The following RIN2 variants were observed in gnomAD, a reference collection of about 807,000 sequenced individuals.
The protein encoded by RIN2 is RAB5 interacting protein 2.
A neutral mutation model predicts 78.0 loss-of-function variants in RIN2; 36 were observed. That is an observed-to-expected ratio of 0.46 (90% CI 0.35 to 0.61). The LOEUF (loss-of-function observed/expected upper bound fraction) is 0.61, where lower values mean the gene tolerates loss of function less well. Ranked by LOEUF, RIN2 falls within the 20% of genes least tolerant of loss-of-function variation. The pLI, the probability that RIN2 is intolerant of heterozygous loss-of-function variation, is 0.00. For missense variants in RIN2, 1,087 were observed against 1,159.7 expected, an observed-to-expected ratio of 0.94 and a Z score of 0.91; for synonymous variants, 466 against 466.8, an observed-to-expected ratio of 1.00 and a Z score of 0.02.
At chr20:19,926,428 G>A (rs6136886) in intron 3 of RIN2, among the ~76,000 whole-genome samples, 48,891 of 151,658 alleles carry the variant, frequency 0.32, 8,567 homozygotes, top group Non-Finnish European at 0.4. Context: ...CCTCCATTAC[G>A]TTTTTGTTTT....
intron 2 of RIN2, among the ~76,000 whole-genome samples, chr20:19,879,737 CG>C (rs953765800): frequency 6.6e-6 from 1 of 152,034 alleles, no homozygotes; most frequent in African/African-American, 2.4e-5. Context: ...GACAAACACC[CG>C]GAGACTTCTC....
chr20:19,939,070 T>C (rs758940324), intron 4 of RIN2, among the ~76,000 whole-genome samples: 1 of 152,214 alleles, frequency 6.6e-6, no homozygotes, highest in Non-Finnish European at 1.5e-5. Flanking sequence ...TGAGACAGAA[T>C]CTCGCTCTGT....
chr20:19,953,753 G>T (rs1204996567), intron 4 of RIN2, among the ~76,000 whole-genome samples: 2 of 152,176 alleles, frequency 1.3e-5, no homozygotes, highest in Admixed American at 6.5e-5. Flanking sequence ...TTTATCAGCA[G>T]CCAGGGTTGA....
chr20:19,986,504 C>A (rs764970550), intron 9 of RIN2, among the ~76,000 whole-genome samples: 4 of 152,172 alleles, frequency 2.6e-5, no homozygotes, highest in Admixed American at 2.0e-4. Context: ...TAGGTTTCAA[C>A]CCTCCTAAGA....
intron 9 of RIN2, among the ~76,000 whole-genome samples, chr20:19,976,838 G>GTC (rs57267974): frequency 0.061 from 9,166 of 151,152 alleles, 895 homozygotes; most frequent in African/African-American, 0.21. Context: ...CTCTTTCTCT[G>GTC]TCTCTCTCTC....
chr20:19,758,437 T>C (rs1416000644), intron 1 of RIN2, 110 bp downstream of exon 1: 1 of 152,168 alleles, frequency 6.6e-6, no homozygotes, highest in Non-Finnish European at 1.5e-5. Context: ...TGGGTGCTGC[T>C]GTGCGCACTC....
intron 3 of RIN2, among the ~76,000 whole-genome samples, chr20:19,912,612 G>A (rs942621557): frequency 5.3e-5 from 8 of 151,188 alleles, no homozygotes. Context: ...CCAAATAGCT[G>A]GGATTACAGG....
intron 3 of RIN2, among the ~76,000 whole-genome samples, chr20:19,930,634 C>G (rs7270436): frequency 0.23 from 35,416 of 152,058 alleles, 5,889 homozygotes; most frequent in East Asian, 0.56. Flanking sequence ...GTGGCCGGCC[C>G]TCCCTCACAA....
chr20:19,848,758 ATTTAT>A (rs146941864), intron 2 of RIN2, among the ~76,000 whole-genome samples: 1,778 of 152,240 alleles, frequency 0.012, 11 homozygotes, highest in Non-Finnish European at 0.014. Flanking sequence ...TATCCATTCG[ATTTAT>A]TTTATCATTT....
intron 1 of RIN2, among the ~76,000 whole-genome samples, chr20:19,771,292 A>C (rs1326273616): frequency 2.0e-5 from 3 of 152,230 alleles, no homozygotes; most frequent in African/African-American, 7.2e-5. Context: ...CCAGCTGTCA[A>C]TCAGCTCATT....
intron 6 of RIN2, 87 bp downstream of exon 6, chr20:19,960,898 G>A: frequency 3.9e-6 from 3 of 775,972 alleles, no homozygotes; most frequent in Admixed American, 2.6e-5. Context: ...CTGGTTATGA[G>A]ATGGGCAGAT....
chr20:19,890,070 A>G (rs973359934), intron 3 of RIN2, among the ~76,000 whole-genome samples: 1 of 152,114 alleles, frequency 6.6e-6, no homozygotes, highest in African/African-American at 2.4e-5. Context: ...ACAAACAAAC[A>G]AACAAACAAA....
At chr20:19,972,583 T>C (rs1260644815) in intron 8 of RIN2, among the ~76,000 whole-genome samples, 1 of 152,240 alleles carries the variant, frequency 6.6e-6, no homozygotes, top group African/African-American at 2.4e-5. Flanking sequence ...CAAACTAATA[T>C]TCCTCGAGGG....
chr20:19,938,132 G>C (rs1378545535), intron 4 of RIN2, among the ~76,000 whole-genome samples: 1 of 152,180 alleles, frequency 6.6e-6, no homozygotes. Flanking sequence ...TGCCCTGGCT[G>C]GTTCTTCTTT....
At chr20:19,939,830 T>C (rs1463319147) in intron 4 of RIN2, among the ~76,000 whole-genome samples, 2 of 149,208 alleles carry the variant, frequency 1.3e-5, no homozygotes. Flanking sequence ...ATATATTCAC[T>C]TGCTTCCTGT....
intron 1 of RIN2, among the ~76,000 whole-genome samples, chr20:19,758,936 C>A (rs2033507137): frequency 6.6e-6 from 1 of 152,220 alleles, no homozygotes; most frequent in Non-Finnish European, 1.5e-5. Flanking sequence ...GCAGGGGGCA[C>A]TTGGGCTGTC....
intron 12 of RIN2, 120 bp from the exon 13 acceptor site, chr20:20,000,493 G>T: frequency 1.3e-6 from 1 of 772,420 alleles, no homozygotes; most frequent in Non-Finnish European, 2.1e-6. Flanking sequence ...CCTGACATCG[G>T]ACATTATGAC....
At position 19,889,575 on chromosome 20, in the gene RIN2, G is replaced by T; in HGVS notation, c.-27G>T. On this transcript the variant is annotated 5_prime_UTR_variant, in exon 3 of 13. Transcript: ENST00000255006. Reference sequence around the variant, plus strand: ...ATGTCTCTACCTTCAGGAGTCCCCGGCGTGCAGTGGAGCCTCGCTGGGGGA... The same window carrying T: ...ATGTCTCTACCTTCAGGAGTCCCCGTCGTGCAGTGGAGCCTCGCTGGGGGA... 1 of 1,549,112 alleles carries T rather than the reference G, an allele frequency of 6.5e-7. No individual in the cohort carries two copies. The highest frequency in any genetic ancestry group is 8.7e-7 in the Non-Finnish European group (1 of 1,145,472).
chr20:19,769,695 A>G (rs928265099), intron 1 of RIN2, among the ~76,000 whole-genome samples: 3 of 152,220 alleles, frequency 2.0e-5, no homozygotes, highest in African/African-American at 7.2e-5. Context: ...TGTGTTTGCT[A>G]TTCTGAGCAT....
Sources: gnomAD v4.1 joint callset for allele counts (sites outside exome capture counted in the v4.1 genomes callset) on GRCh38, gnomAD v4.1.1 for gene constraint, MANE v1.5 for transcripts, NCBI Gene and HGNC (gene_info 2026-07-23, HGNC 2026-07-21) for gene names.